Variants in VSNL1 observed in about 807,000 individuals in gnomAD.
VSNL1 encodes the protein visinin-like protein 1.
VSNL1 carries 6 observed loss-of-function variants against 20.4 expected under a neutral mutation model. The ratio of observed to expected loss-of-function variants is 0.29; its 90% CI spans 0.16 to 0.58. The LOEUF (loss-of-function observed/expected upper bound fraction) is 0.58. Ranked by LOEUF, VSNL1 falls within the 20% of genes least tolerant of loss-of-function variation. The pLI is 0.90. For missense variants in VSNL1, 100 were observed against 234.5 expected (o/e 0.43, Z 3.75); for synonymous variants, 93 against 86.4 (o/e 1.08, Z -0.42).
At chr2:17,590,318 C>T (rs1349168843) in intron 1 of VSNL1, among the ~76,000 whole-genome samples, 4 of 152,168 alleles carry the variant, frequency 2.6e-5, no homozygotes, top group East Asian at 3.8e-4. Flanking sequence ...TTCAGGATAA[C>T]CATGAATTAG....
At chr2:17,569,317 TA>T (rs1664027797) in intron 1 of VSNL1, among the ~76,000 whole-genome samples, 1 of 147,544 alleles carries the variant, frequency 6.8e-6, no homozygotes, top group Non-Finnish European at 1.5e-5. Flanking sequence ...AAAAAAAAAA[TA>T]AAAATAAAAA....
chr2:17,547,277 A>G (rs1381828543), intron 1 of VSNL1, among the ~76,000 whole-genome samples: 1 of 152,120 alleles, frequency 6.6e-6, no homozygotes, highest in African/African-American at 2.4e-5. Flanking sequence ...AGAAGATTAT[A>G]TATGTAAAGA....
At chr2:17,610,666 C>A (rs987536290) in intron 2 of VSNL1, among the ~76,000 whole-genome samples, 6 of 152,214 alleles carry the variant, frequency 3.9e-5, no homozygotes, top group African/African-American at 1.4e-4. Context: ...CCCCTTCCTG[C>A]CCATTAGTCA....
intron 2 of VSNL1, among the ~76,000 whole-genome samples, chr2:17,625,840 ATTTTT>A (rs35795117): frequency 2.8e-5 from 3 of 108,542 alleles, no homozygotes; most frequent in Non-Finnish European, 5.6e-5. Context: ...TCCTTAGCTG[ATTTTT>A]TTTTTTTTTT....
At chr2:17,590,477 AAGC>A (rs1402926860) in intron 1 of VSNL1, among the ~76,000 whole-genome samples, 1 of 152,168 alleles carries the variant, frequency 6.6e-6, no homozygotes. Context: ...ATAAGTAGAG[AAGC>A]CCCATGACAA....
intron 3 of VSNL1, among the ~76,000 whole-genome samples, chr2:17,654,036 A>G (rs974022805): frequency 6.6e-6 from 1 of 152,198 alleles, no homozygotes; most frequent in African/African-American, 2.4e-5. Flanking sequence ...ATGCTGTAGC[A>G]TATTCATTCT....
intron 1 of VSNL1, among the ~76,000 whole-genome samples, chr2:17,585,749 T>C (rs62132080): frequency 0.12 from 18,273 of 151,954 alleles, 1,836 homozygotes; most frequent in African/African-American, 0.28. Context: ...CAGAGGAGCC[T>C]ACAGGCAAAT....
At chr2:17,574,745 C>T (rs551507163) in intron 1 of VSNL1, among the ~76,000 whole-genome samples, 47 of 152,158 alleles carry the variant, frequency 3.1e-4, no homozygotes, top group Middle Eastern at 3.4e-3. Context: ...TGGAAGACTT[C>T]GTTATTTCAT....
intron 1 of VSNL1, among the ~76,000 whole-genome samples, chr2:17,565,330 A>T (rs1255648576): frequency 6.6e-6 from 1 of 152,204 alleles, no homozygotes; most frequent in Non-Finnish European, 1.5e-5. Flanking sequence ...GAAGTTATGA[A>T]TATTAATGCC....
At chr2:17,648,862 C>A (rs1432929952) in intron 2 of VSNL1, among the ~76,000 whole-genome samples, 1 of 152,156 alleles carries the variant, frequency 6.6e-6, no homozygotes, top group Non-Finnish European at 1.5e-5. Flanking sequence ...GTCTGTTCTG[C>A]AAAAGAAAAG....
intron 2 of VSNL1, among the ~76,000 whole-genome samples, chr2:17,628,371 G>A (rs1665557018): frequency 6.6e-6 from 1 of 151,622 alleles, no homozygotes; most frequent in African/African-American, 2.4e-5. Context: ...GGAGGAGGGA[G>A]TGCATGATAA....
chr2:17,620,359 C>T (rs1029042381), intron 2 of VSNL1, among the ~76,000 whole-genome samples: 8 of 152,198 alleles, frequency 5.3e-5, no homozygotes, highest in Non-Finnish European at 1.0e-4. Flanking sequence ...TGGAAGCAGT[C>T]TGGACAAGGG....
At chr2:17,598,839 G>A (rs1664767339) in intron 2 of VSNL1, among the ~76,000 whole-genome samples, 1 of 152,154 alleles carries the variant, frequency 6.6e-6, no homozygotes, top group Non-Finnish European at 1.5e-5. Flanking sequence ...CCCCTTCTAA[G>A]TTATACTTTC....
At chr2:17,566,352 TA>T (rs1354688192) in intron 1 of VSNL1, among the ~76,000 whole-genome samples, 1 of 152,222 alleles carries the variant, frequency 6.6e-6, no homozygotes, top group African/African-American at 2.4e-5. Flanking sequence ...TATACCAATT[TA>T]TATTCCCACC....
At chr2:17,632,643 G>A (rs949870390) in intron 2 of VSNL1, among the ~76,000 whole-genome samples, 2 of 152,044 alleles carry the variant, frequency 1.3e-5, no homozygotes, top group Admixed American at 6.5e-5. Context: ...GTAGGTTTTC[G>A]GCTAATTATT....
intron 1 of VSNL1, among the ~76,000 whole-genome samples, chr2:17,562,607 T>A (rs946784139): frequency 6.6e-6 from 1 of 152,088 alleles, no homozygotes; most frequent in Non-Finnish European, 1.5e-5. Flanking sequence ...CTAGAGTCTA[T>A]CCATAATGAG....
chr2:17,578,058 G>C (rs1052196546), intron 1 of VSNL1, among the ~76,000 whole-genome samples: 1 of 152,126 alleles, frequency 6.6e-6, no homozygotes, highest in African/African-American at 2.4e-5. Context: ...GATCATATAA[G>C]CTGTTGTTAT....
intron 2 of VSNL1, among the ~76,000 whole-genome samples, chr2:17,638,676 C>A (rs1665813826): frequency 6.6e-6 from 1 of 152,232 alleles, no homozygotes; most frequent in African/African-American, 2.4e-5. Context: ...GCTCTTCATT[C>A]TCAGTAGGAT....
At chr2:17,600,019 G>A (rs983229265) in intron 2 of VSNL1, among the ~76,000 whole-genome samples, 1 of 152,132 alleles carries the variant, frequency 6.6e-6, no homozygotes, top group African/African-American at 2.4e-5. Context: ...AATTCCCAAA[G>A]CCAAAAGAGT....
Sources: allele counts gnomAD v4.1 joint callset (sites outside exome capture counted in the v4.1 genomes callset), GRCh38; gene constraint gnomAD v4.1.1; transcripts MANE v1.5; gene names NCBI Gene and HGNC (gene_info 2026-07-23, HGNC 2026-07-21).